Variants in C4orf51 observed in about 807,000 individuals in gnomAD.
C4orf51 encodes uncharacterized protein C4orf51.
Under a neutral mutation model 25.2 loss-of-function variants are expected in C4orf51, and 25 were observed. That is an observed-to-expected ratio of 0.99 (90% CI 0.72 to 1.39). The LOEUF is 1.39. C4orf51 is among the 40% of genes most tolerant of loss of function. The probability of loss-of-function intolerance (pLI) is 0.00; values close to 1 mark genes in which losing one functional copy is unlikely to be tolerated. For synonymous variants in C4orf51, 100 were observed against 84.5 expected (o/e 1.18, Z -1.01); for missense variants, 252 against 239.6 (o/e 1.05, Z -0.34).
At chr4:145,709,826 C>T (rs768058095) in intron 2 of C4orf51, among the ~76,000 whole-genome samples, 27 of 152,228 alleles carry the variant, frequency 1.8e-4, no homozygotes, top group Non-Finnish European at 2.6e-4. Context: ...GATGTGGGCC[C>T]GAAGGTCTTT....
chr4:145,781,195 C>CAAAAAAATA, the C4orf51 span, among the ~76,000 whole-genome samples: 1 of 56,548 alleles, frequency 1.8e-5, no homozygotes, highest in African/African-American at 8.0e-5. Flanking sequence ...GACACCATCT[C>CAAAAAAATA]AAAAAAAAAA....
chr4:145,785,829 T>G, the C4orf51 span, among the ~76,000 whole-genome samples: 6 of 152,248 alleles, frequency 3.9e-5, no homozygotes, highest in Admixed American at 3.9e-4. Context: ...CTTCTCTTCC[T>G]GTTCTTTGGC....
At position 145,680,570 on chromosome 4, in the gene C4orf51, A is replaced by G; in HGVS notation, c.233+134A>G. On this transcript the variant is annotated intron_variant, in intron 1 of 5. Transcript: ENST00000438731. ...CTCTGTATTTTCTTTTGTAAATGTCAGCAGGAAGAAGAGCTAAATGTCAGT... is the reference window on the plus strand; with the variant it reads ...CTCTGTATTTTCTTTTGTAAATGTCGGCAGGAAGAAGAGCTAAATGTCAGT... The G allele has an allele frequency of 9.2e-6, 6 of 648,808 alleles. No individual in the cohort carries two copies. In the South Asian group the frequency reaches 1.2e-4, roughly 13 times the overall value. The allele number at this position is 648,808 out of a possible 1,614,324, so 40.2% of individuals were successfully genotyped here.
intron 1 of C4orf51, among the ~76,000 whole-genome samples, chr4:145,742,680 C>T (rs1733167851): frequency 6.6e-6 from 1 of 151,980 alleles, no homozygotes; most frequent in Non-Finnish European, 1.5e-5. Flanking sequence ...GCTGAGATTA[C>T]AGGCGCCCGC....
chr4:145,766,100 T>C (rs781609632), intron 1 of C4orf51, among the ~76,000 whole-genome samples: 1 of 152,238 alleles, frequency 6.6e-6, no homozygotes, highest in Non-Finnish European at 1.5e-5. Flanking sequence ...GCACAACTGT[T>C]ATCAGCCCCA....
intron 1 of C4orf51, 88 bp downstream of exon 1, chr4:145,680,524 GA>G (rs1246073025): frequency 3.1e-6 from 3 of 963,584 alleles, no homozygotes; most frequent in Non-Finnish European, 4.7e-6. Context: ...TAGACCCTGA[GA>G]GACTTCATAG....
At chr4:145,746,298 G>T (rs946016747) in intron 1 of C4orf51, among the ~76,000 whole-genome samples, 3 of 152,088 alleles carry the variant, frequency 2.0e-5, no homozygotes, top group African/African-American at 7.2e-5. Flanking sequence ...GCCCGCTCCA[G>T]TGTCTTGGAG....
Position 145,765,799 on chromosome 4 carries a change from A to G in C4orf51, n.167-5189A>G. On this transcript the variant is annotated intron_variant and non_coding_transcript_variant, in intron 1 of 1. Coordinates refer to the C4orf51 transcript ENST00000510096. The surrounding 1 kb of genome is among the most constrained non-coding windows in gnomAD (Gnocchi z 4.7). The stretch of plus-strand genomic sequence containing the variant: ...GATGAAAATCCTCAGAATTATAGCA[A>G]CTGAGGGTGACGAGTTGAGTCTCAT... 1 of 1,523,954 alleles carries G rather than the reference A, an allele frequency of 6.6e-7. No individual in the cohort carries two copies. Among genetic ancestry groups the G allele is most frequent in the South Asian group, 1.2e-5 (1 of 80,530 alleles). 94.4% of individuals were successfully genotyped at this position (1,523,954 alleles called of 1,614,324 possible).
intron 1 of C4orf51, among the ~76,000 whole-genome samples, chr4:145,683,248 C>CA (rs1324265811): frequency 6.6e-6 from 1 of 151,886 alleles, no homozygotes; most frequent in Non-Finnish European, 1.5e-5. Context: ...TGAAAGAAAT[C>CA]AAAAAAGAAC....
intron 4 of C4orf51, among the ~76,000 whole-genome samples, chr4:145,729,657 A>G (rs1288755219): frequency 6.6e-6 from 1 of 152,138 alleles, no homozygotes; most frequent in Non-Finnish European, 1.5e-5. Flanking sequence ...CCTGGCACCC[A>G]CATTGTTACA....
intron 2 of C4orf51, among the ~76,000 whole-genome samples, chr4:145,699,765 C>T (rs918082361): frequency 3.3e-5 from 5 of 151,772 alleles, no homozygotes; most frequent in East Asian, 1.9e-4. Flanking sequence ...AGTACGCCAA[C>T]ACCTTCTCTC....
intron 1 of C4orf51, among the ~76,000 whole-genome samples, chr4:145,693,616 G>A (rs1419637092): frequency 2.8e-5 from 4 of 143,990 alleles, no homozygotes; most frequent in African/African-American, 7.7e-5. Flanking sequence ...CGGCCGGGCA[G>A]AGGCGCCCCT....
In C4orf51 at chr4:145,729,172, C is replaced by T; in HGVS notation, c.370C>T (p.His124Tyr). ...TTTCTATCTCTCCTTTTTATAGGCA[C>T]ATCAAATTTGGGATTTTGGTGATTG... ...KSFDVKHGVA[H>Y]QIWDFGDCFP... Residue 124 changes from histidine (H) to tyrosine (Y), a missense_variant, in exon 4 of 6, where the codon CAT (histidine) becomes TAT (tyrosine). Coordinates refer to ENST00000438731, the MANE Select transcript of C4orf51 (RefSeq NM_001080531.3). 1 of 1,599,726 alleles carries T rather than the reference C, an allele frequency of 6.3e-7. No individual in the cohort carries two copies. The highest frequency in any genetic ancestry group is 1.1e-5 in the South Asian group (1 of 90,256).
At chr4:145,725,343 T>G (rs564476694) in intron 2 of C4orf51, among the ~76,000 whole-genome samples, 32 of 152,294 alleles carry the variant, frequency 2.1e-4, no homozygotes, top group African/African-American at 7.7e-4. Context: ...GGTGGGAATA[T>G]AAAAGAATAC....
rs553328458 is a variant in C4orf51, at chr4:145,730,346, G to A, written c.501+381G>A. Reference sequence around the variant, plus strand: ...CGCATATCCACCCTGGTTGCCCGGTGGCTGGAGTTTCCCTCCTCATGTGCC... The same window carrying A: ...CGCATATCCACCCTGGTTGCCCGGTAGCTGGAGTTTCCCTCCTCATGTGCC... On this transcript the variant is annotated intron_variant, in intron 5 of 5. Transcript: ENST00000438731. Among the ~76,000 whole-genome samples the A allele has an allele frequency of 2.2e-4, 34 of 152,228 alleles. No individual in the cohort carries two copies. In the South Asian group the frequency reaches 6.6e-3, roughly 30 times the overall value.
chr4:145,707,172 C>T (rs28830326), intron 2 of C4orf51, among the ~76,000 whole-genome samples: 10,029 of 152,030 alleles, frequency 0.066, 391 homozygotes, highest in Middle Eastern at 0.14. Context: ...ATCCCCTGAC[C>T]TCGTGATCCA....
Position 145,685,193 on chromosome 4 carries a change from T to C in C4orf51, c.233+4757T>C, listed in dbSNP as rs180885311. Among the ~76,000 whole-genome samples, 1,042 of 152,318 alleles carry C rather than the reference T, an allele frequency of 6.8e-3. 46 individuals carry two copies. The highest frequency in any genetic ancestry group is 0.064 in the Admixed American group (982 of 15,294). On this transcript the variant is annotated intron_variant, in intron 1 of 5. Coordinates refer to ENST00000438731, the MANE Select transcript of C4orf51 (RefSeq NM_001080531.3). Reference sequence around the variant, plus strand: ...GTTCTACAGAAACACCTATTGGAACTGTATAAAATCTATAAATCAATTTGG... The same window carrying C: ...GTTCTACAGAAACACCTATTGGAACCGTATAAAATCTATAAATCAATTTGG...
chr4:145,767,651 C>T (rs1018857687), intron 1 of C4orf51, among the ~76,000 whole-genome samples: 3 of 152,198 alleles, frequency 2.0e-5, no homozygotes, highest in African/African-American at 7.2e-5. Flanking sequence ...GGAACAAAAA[C>T]AAGGATGACA....
rs984555200 is a variant in C4orf51, at chr4:145,760,783, A to G, written n.167-10205A>G. On this transcript the variant is annotated intron_variant and non_coding_transcript_variant, in intron 1 of 1. Coordinates refer to the C4orf51 transcript ENST00000510096. ...TGGTACAGAACATGGCTGCCCTCAGACAGTCTCTGCTCTTTCTCTCAGTCC... is the reference window on the plus strand; with the variant it reads ...TGGTACAGAACATGGCTGCCCTCAGGCAGTCTCTGCTCTTTCTCTCAGTCC... 2.6e-6 allele frequency: 3 copies of G among 1,149,968 alleles called. No individual in the cohort carries two copies. The African/African-American group carries it at 5.0e-5, about 19-fold the overall frequency. The allele number at this position is 1,149,968 out of a possible 1,614,324, so 71.2% of individuals were successfully genotyped here.
Sources: allele counts gnomAD v4.1 joint callset (sites outside exome capture counted in the v4.1 genomes callset), GRCh38; gene constraint gnomAD v4.1.1; non-coding constraint Gnocchi (gnomAD v3.1); transcripts MANE v1.5; gene names NCBI Gene and HGNC (gene_info 2026-07-23, HGNC 2026-07-21).